Variants in GALNT5 observed in about 807,000 individuals in gnomAD.
GALNT5 encodes UDP-GalNAc:polypeptide N-acetylgalactosaminyltransferase 5.
In GALNT5, 72 loss-of-function variants were observed where a neutral mutation model predicts 85.4. The observed-to-expected ratio is 0.84, with a 90% CI of 0.70 to 1.03. GALNT5 has a LOEUF of 1.03. Among genes scored for constraint, GALNT5 ranks in the 50% least tolerant of loss-of-function variants. GALNT5 has a pLI of 0.00. For synonymous variants in GALNT5, 404 were observed against 397.0 expected, an observed-to-expected ratio of 1.02 and a Z score of -0.21; for missense variants, 1,137 against 1,135.5, an observed-to-expected ratio of 1.00 and a Z score of -0.02.
rs1682961622 is a variant in GALNT5, at chr2:157,286,034, GGATA to G, written c.1642_1645del (p.Asp548AsnfsTer20). On this transcript the variant is annotated frameshift_variant, in exon 3 of 10. Transcript: ENST00000259056. LOFTEE classifies it high-confidence loss of function. Reference sequence around the variant, plus strand: ...ATGTAGACTATCTAAAAGATAATTTGGATAAATACATGTCCCAGTTTCCAAAAGT... The same window carrying G: ...ATGTAGACTATCTAAAAGATAATTTGAATACATGTCCCAGTTTCCAAAAGT... 6.3e-7 allele frequency: 1 copy of G among 1,597,742 alleles called. No individual in the cohort carries two copies. Among genetic ancestry groups the G allele is most frequent in the Admixed American group, 1.7e-5 (1 of 59,990 alleles).
intron 1 of GALNT5, among the ~76,000 whole-genome samples, chr2:157,271,462 G>A (rs1682583077): frequency 6.6e-6 from 1 of 152,162 alleles, no homozygotes; most frequent in Non-Finnish European, 1.5e-5. Context: ...GTCCCTTTAG[G>A]AGACTCCAGC....
intron 3 of GALNT5, among the ~76,000 whole-genome samples, chr2:157,290,915 T>G (rs2105150593): frequency 6.6e-6 from 1 of 152,226 alleles, no homozygotes; most frequent in South Asian, 2.1e-4. Flanking sequence ...TACTATGCAT[T>G]CAGTTTCCAG....
rs1483825460 is a variant in GALNT5 at position 157,300,907 on chromosome 2, C to G, written c.2347C>G (p.Leu783Val). ...TGGCAACCTCACCCAGCAAAGGGAG[C>G]TGCGAAAGAAACTGAAGTGCAAAAG... The part of the protein sequence containing the change: ...DVGNLTQQRE[L>V]RKKLKCKSFK... The change falls in exon 7 of 10, where the codon CTG (leucine) becomes GTG (valine). Residue 783 changes from leucine to valine, a missense_variant. Leu to Val is a conservative substitution (Grantham distance 32). Coordinates refer to ENST00000259056, the MANE Select transcript of GALNT5 (RefSeq NM_014568.3). The G allele has an allele frequency of 4.3e-6, 7 of 1,613,776 alleles. No individual in the cohort carries two copies. In the South Asian group the frequency reaches 7.7e-5, roughly 18 times the overall value.
Position 157,296,344 on chromosome 2 carries a change from A to T in GALNT5, c.1878-50A>T, listed in dbSNP as rs191571382. ...TGAAGCCAAATCGATAAAGTATATA[A>T]AGATGTATATAATCCCAGATAACAC... On this transcript the variant is annotated intron_variant, in intron 4 of 9. Coordinates refer to ENST00000259056, the MANE Select transcript of GALNT5 (RefSeq NM_014568.3). The T allele has an allele frequency of 1.7e-3, 2,497 of 1,452,464 alleles. 3 individuals are homozygous for T. The highest frequency in any genetic ancestry group is 2.2e-3 in the Non-Finnish European group (2,293 of 1,036,974). 90.0% of individuals were successfully genotyped at this position (1,452,464 alleles called of 1,614,324 possible). A position where few individuals can be genotyped will look rare whatever the true frequency, so the allele number is the denominator to read the frequency against.
At chr2:157,288,444 T>C (rs958763741) in intron 3 of GALNT5, among the ~76,000 whole-genome samples, 1 of 152,208 alleles carries the variant, frequency 6.6e-6, no homozygotes, top group Non-Finnish European at 1.5e-5. Context: ...TAGGTAATTT[T>C]TGAGCTGAGG....
At chr2:157,266,261 G>GA (rs533089615) in intron 1 of GALNT5, among the ~76,000 whole-genome samples, 1 of 152,150 alleles carries the variant, frequency 6.6e-6, no homozygotes, top group Non-Finnish European at 1.5e-5. Flanking sequence ...GATGAGGGGG[G>GA]AAAAAAGAGC....
chr2:157,274,197 A>G (rs1046266487), intron 1 of GALNT5, among the ~76,000 whole-genome samples: 1 of 152,202 alleles, frequency 6.6e-6, no homozygotes, highest in Non-Finnish European at 1.5e-5. Context: ...TATATGTGCC[A>G]TGTTTTCTTA....
intron 1 of GALNT5, among the ~76,000 whole-genome samples, chr2:157,266,479 T>A (rs183961920): frequency 6.6e-6 from 1 of 152,286 alleles, no homozygotes; most frequent in South Asian, 2.1e-4. Context: ...TAAAGGGGAA[T>A]CCCTCCATTG....
At chr2:157,293,934 C>T (rs1473556608) in intron 3 of GALNT5, among the ~76,000 whole-genome samples, 1 of 152,182 alleles carries the variant, frequency 6.6e-6, no homozygotes, top group East Asian at 1.9e-4. Flanking sequence ...GTTAGCTGTG[C>T]AACCATAGAA....
Position 157,300,781 on chromosome 2 carries a change from G to A in GALNT5, c.2221G>A (p.Val741Met). The A allele has an allele frequency of 1.2e-6, 2 of 1,614,108 alleles. No individual in the cohort carries two copies. The highest frequency in any genetic ancestry group is 1.1e-5 in the South Asian group (1 of 91,086). The change falls in exon 7 of 10, where the codon GTG becomes ATG. Residue 741 changes from valine (V) to methionine (M), a missense_variant. By Grantham distance (21) the Val-to-Met change is conservative (BLOSUM62 1). Coordinates refer to ENST00000259056, the MANE Select transcript of GALNT5 (RefSeq NM_014568.3). ...YSFPKDRMKTVERNLVRVAEV... is the reference protein window; with the variant it reads ...YSFPKDRMKTMERNLVRVAEV... ...CTTCCCCAAAGACCGGATGAAGACA[G>A]TGGAGCGGAACTTGGTGCGGGTTGC...
At chr2:157,292,347 C>G (rs546587997) in intron 3 of GALNT5, among the ~76,000 whole-genome samples, 2 of 152,236 alleles carry the variant, frequency 1.3e-5, no homozygotes, top group South Asian at 4.1e-4. Context: ...GTTTTCTCAC[C>G]TAACATAGTC....
At chr2:157,295,865 GA>G (rs749793785) in intron 4 of GALNT5, 67 bp downstream of exon 4, 69 of 1,173,380 alleles carry the variant, frequency 5.9e-5, no homozygotes, top group Non-Finnish European at 8.4e-5. Flanking sequence ...AGAAAGTGCT[GA>G]GTATATGCCT....
chr2:157,296,398 A>G lies in GALNT5; in HGVS notation c.1882A>G (p.Met628Val), dbSNP rs751226709. ...EVINDKDMSYMTVDNFQRGIF... is the reference protein window; with the variant it reads ...EVINDKDMSYVTVDNFQRGIF... ...GTTTTTCATTTCCTGGATTAGTTACATGACAGTGGATAACTTTCAAAGAGG... is the reference window on the plus strand; with the variant it reads ...GTTTTTCATTTCCTGGATTAGTTACGTGACAGTGGATAACTTTCAAAGAGG... The change falls in exon 5 of 10, where the codon ATG becomes GTG. Residue 628 changes from methionine (M) to valine (V), a missense_variant. Met to Val is a conservative substitution (Grantham distance 21, BLOSUM62 1). Transcript: ENST00000259056. 5.6e-6 allele frequency: 9 copies of G among 1,608,826 alleles called. No homozygotes were observed. In the African/African-American group the frequency reaches 9.3e-5, roughly 17 times the overall value.
chr2:157,271,030 G>T (rs1436613925), intron 1 of GALNT5, among the ~76,000 whole-genome samples: 1 of 152,030 alleles, frequency 6.6e-6, no homozygotes, highest in Non-Finnish European at 1.5e-5. Context: ...GTAGGAGAAT[G>T]GCGTGAACCC....
At chr2:157,265,494 T>G (rs955691032) in intron 1 of GALNT5, among the ~76,000 whole-genome samples, 4 of 152,234 alleles carry the variant, frequency 2.6e-5, no homozygotes, top group African/African-American at 9.6e-5. Flanking sequence ...TTCCTGACTT[T>G]TCCTCCTAAA....
chr2:157,283,197 T>A (rs1056841116), intron 1 of GALNT5, among the ~76,000 whole-genome samples: 1 of 152,072 alleles, frequency 6.6e-6, no homozygotes, highest in African/African-American at 2.4e-5. Flanking sequence ...TATTCACCAA[T>A]AAAAAGGGAA....
At chr2:157,290,837 G>C (rs576247562) in intron 3 of GALNT5, among the ~76,000 whole-genome samples, 1 of 152,074 alleles carries the variant, frequency 6.6e-6, no homozygotes, top group Non-Finnish European at 1.5e-5. Flanking sequence ...GAGGCTCTCT[G>C]AAAGTCTGCA....
intron 7 of GALNT5, among the ~76,000 whole-genome samples, chr2:157,304,573 T>G (rs1254774660): frequency 6.6e-6 from 1 of 152,220 alleles, no homozygotes; most frequent in Admixed American, 6.5e-5. Context: ...TTTTTCCCAG[T>G]GCAGCATTCA....
chr2:157,286,090 A>G lies in GALNT5; in HGVS notation c.1697A>G (p.His566Arg), dbSNP rs1682963334. Residue 566 changes from histidine (H) to arginine (R), a missense_variant, in exon 3 of 10, where the codon CAT becomes CGT. His to Arg is a conservative substitution (Grantham distance 29, BLOSUM62 0). Coordinates refer to ENST00000259056, the MANE Select transcript of GALNT5 (RefSeq NM_014568.3). ...KVRILRLKER[H>R]GLIRARLAGA... Reference sequence around the variant, plus strand: ...CGGATTCTTCGCCTCAAAGAGAGACATGGCTTAATAAGGGCCAGGCTGGCA... The same window carrying G: ...CGGATTCTTCGCCTCAAAGAGAGACGTGGCTTAATAAGGGCCAGGCTGGCA... The G allele has an allele frequency of 1.2e-6, 2 of 1,612,918 alleles. No homozygotes were observed. The highest frequency in any genetic ancestry group is 8.5e-7 in the Non-Finnish European group (1 of 1,178,870).
Sources: allele counts gnomAD v4.1 joint callset (sites outside exome capture counted in the v4.1 genomes callset), GRCh38; gene constraint gnomAD v4.1.1; transcripts MANE v1.5; gene names NCBI Gene and HGNC (gene_info 2026-07-23, HGNC 2026-07-21).